The following ITFG1 variants were observed in gnomAD, a reference collection of about 807,000 sequenced individuals.
ITFG1 encodes the protein integrin alpha FG-GAP repeat containing 1, also known as T-cell immunomodulatory protein.
Under a neutral mutation model 81.8 loss-of-function variants are expected in ITFG1, and 34 were observed. That is an observed-to-expected ratio of 0.42 (90% confidence interval 0.32 to 0.55). The LOEUF (loss-of-function observed/expected upper bound fraction) is 0.55. Among genes scored for constraint, ITFG1 ranks in the 20% least tolerant of loss-of-function variants. The pLI, the probability that ITFG1 is intolerant of heterozygous loss-of-function variation, is 0.17. For synonymous variants in ITFG1, 285 were observed against 270.6 expected (o/e 1.05, Z -0.52); for missense variants, 672 against 755.4 (o/e 0.89, Z 1.29).
intron 6 of ITFG1, among the ~76,000 whole-genome samples, chr16:47,392,959 C>T (rs1968551195): frequency 6.6e-6 from 1 of 152,176 alleles, no homozygotes. Context: ...TCCAAGGCCA[C>T]CCCTCCACAA....
Position 47,409,249 on chromosome 16 carries a change from A to C in ITFG1, c.655+19555T>G, listed in dbSNP as rs369632898. 2.3e-4 allele frequency among the ~76,000 whole-genome samples: 34 copies of C among 149,912 alleles called. No homozygotes were observed. The East Asian group carries it at 2.4e-3, about 10-fold the overall frequency. The stretch of plus-strand genomic sequence containing the variant: ...AAAATTAGATCTGTGCTGCTAAATA[A>C]GGAATCCTCAGGGTCATCAAAACAG... On this transcript the variant is annotated intron_variant, in intron 6 of 17. Coordinates refer to ENST00000320640, the MANE Select transcript of ITFG1 (RefSeq NM_030790.5).
At chr16:47,184,146 G>A (rs879727018) in intron 14 of ITFG1, among the ~76,000 whole-genome samples, 1 of 152,202 alleles carries the variant, frequency 6.6e-6, no homozygotes, top group Non-Finnish European at 1.5e-5. Flanking sequence ...CCAAATCTAC[G>A]TGTGACTGGT....
In ITFG1 at chr16:47,421,301, CACACAT is replaced by C. The variant is rs1202937196; in HGVS notation, c.655+7497_655+7502del. On this transcript the variant is annotated intron_variant, in intron 6 of 17. Coordinates refer to ENST00000320640, the MANE Select transcript of ITFG1 (RefSeq NM_030790.5). ...ACACACACACACACACACACACACA[CACACAT>C]ACATATTTTTTTTTTCTGAGATGGA... is the stretch of plus-strand genomic sequence containing the variant. 6.0e-3 allele frequency among the ~76,000 whole-genome samples: 888 copies of C among 147,136 alleles called. 15 individuals are homozygous for C. The highest frequency in any genetic ancestry group is 0.023 in the African/African-American group (847 of 37,112).
chr16:47,384,381 G>C lies in ITFG1; in HGVS notation c.656-8441C>G, dbSNP rs184740660. Among the ~76,000 whole-genome samples, 4 of 152,256 alleles carry C rather than the reference G, an allele frequency of 2.6e-5. No homozygotes were observed. In the East Asian group the frequency reaches 7.7e-4, roughly 29 times the overall value. On this transcript the variant is annotated intron_variant, in intron 6 of 17. Coordinates refer to ENST00000320640, the MANE Select transcript of ITFG1 (RefSeq NM_030790.5). ...CAAACCTCTAACAGTAGGCACTTAC[G>C]CTCCATCTAGTCTGGAAACCTGATT...
chr16:47,419,013 T>C (rs779219000), intron 6 of ITFG1, among the ~76,000 whole-genome samples: 1 of 152,242 alleles, frequency 6.6e-6, no homozygotes, highest in African/African-American at 2.4e-5. Context: ...ATAATTCTTA[T>C]GGTCCATGAG....
chr16:47,436,836 C>A (rs183002287), intron 5 of ITFG1, among the ~76,000 whole-genome samples: 3 of 152,242 alleles, frequency 2.0e-5, no homozygotes, highest in African/African-American at 7.2e-5. Context: ...ATAATCAATT[C>A]ATTAGACCCA....
chr16:47,326,614 A>G (rs1350821574), intron 8 of ITFG1, among the ~76,000 whole-genome samples: 1 of 152,242 alleles, frequency 6.6e-6, no homozygotes, highest in Non-Finnish European at 1.5e-5. Context: ...CTGATAAGCA[A>G]CTTCAGCAAA....
chr16:47,284,462 T>C (rs1966862755), intron 10 of ITFG1, among the ~76,000 whole-genome samples: 1 of 152,214 alleles, frequency 6.6e-6, no homozygotes, highest in South Asian at 2.1e-4. Context: ...TGTTCATAGA[T>C]GAAACTCAGT....
At chr16:47,334,379 G>C (rs1262159800) in intron 8 of ITFG1, among the ~76,000 whole-genome samples, 1 of 152,158 alleles carries the variant, frequency 6.6e-6, no homozygotes, top group Non-Finnish European at 1.5e-5. Flanking sequence ...AGTGAGCCAT[G>C]ATCTCACTAC....
chr16:47,184,155 G>A (rs1965175424), intron 14 of ITFG1, among the ~76,000 whole-genome samples: 1 of 152,338 alleles, frequency 6.6e-6, no homozygotes. Context: ...CGTGTGACTG[G>A]TGTACCTGAA....
chr16:47,221,794 C>T (rs1965695171), intron 13 of ITFG1, among the ~76,000 whole-genome samples: 1 of 152,156 alleles, frequency 6.6e-6, no homozygotes, highest in Non-Finnish European at 1.5e-5. Flanking sequence ...GATTCAAGTT[C>T]TTCCTGGTTT....
intron 12 of ITFG1, 57 bp from the exon 13 acceptor site, chr16:47,238,065 TC>T (rs1965895993): frequency 2.1e-6 from 2 of 941,208 alleles, no homozygotes; most frequent in Non-Finnish European, 1.6e-6. Context: ...TAAAGTGAGC[TC>T]TAATTTTCTC....
intron 12 of ITFG1, among the ~76,000 whole-genome samples, chr16:47,255,473 C>A (rs556071061): frequency 6.6e-6 from 1 of 152,184 alleles, no homozygotes; most frequent in East Asian, 1.9e-4. Context: ...TAGTTGTGTC[C>A]CTAATATCAG....
At position 47,461,012 on chromosome 16, in the gene ITFG1, C is replaced by G. The variant is rs769782922; in HGVS notation, c.34G>C (p.Ala12Pro). The change falls in exon 1 of 18, where the codon GCC (alanine) becomes CCC (proline). Residue 12 changes from alanine to proline, a missense_variant. By Grantham distance (27) the Ala-to-Pro change is conservative (BLOSUM62 -1). This residue lies in a region of ITFG1 where 47 missense variants were observed against 26.4 expected (regional missense o/e 1.78). Transcript: ENST00000320640. ...CCTGCGAGGAGCGGCGAGAAGAGGGCCCAGGAGCTCGGGAGCCGGCCCGCC... is the reference window on the plus strand; with the variant it reads ...CCTGCGAGGAGCGGCGAGAAGAGGGGCCAGGAGCTCGGGAGCCGGCCCGCC... Reference protein sequence around the residue: ...AAAGRLPSSWALFSPLLAGLA... With the variant: ...AAAGRLPSSWPLFSPLLAGLA... 8.5e-5 allele frequency: 132 copies of G among 1,552,776 alleles called. No individual in the cohort carries two copies. Among genetic ancestry groups the G allele is most frequent in the Middle Eastern group, 2.0e-4 (1 of 4,984 alleles).
At chr16:47,157,470 A>G (rs1964729831) in intron 17 of ITFG1, 1 of 152,230 alleles carries the variant, frequency 6.6e-6, no homozygotes. Flanking sequence ...TGGCCACTGC[A>G]TAATTATTGT....
At chr16:47,364,729 C>T (rs1434149592) in intron 8 of ITFG1, among the ~76,000 whole-genome samples, 1 of 152,158 alleles carries the variant, frequency 6.6e-6, no homozygotes, top group Non-Finnish European at 1.5e-5. Flanking sequence ...CATGATATGA[C>T]ATTATCAAAC....
intron 7 of ITFG1, among the ~76,000 whole-genome samples, chr16:47,369,829 T>G (rs955751600): frequency 2.9e-5 from 4 of 137,040 alleles, no homozygotes; most frequent in Non-Finnish European, 6.1e-5. Flanking sequence ...ATATTCAATA[T>G]CCTCTTTTTT....
rs143123083 is a variant in ITFG1 at position 47,292,481 on chromosome 16, G to C, written c.1070+18759C>G. Reference sequence around the variant, plus strand: ...GTGTGGTGATTTTGCTTATGGATGAGTGTAGTAATATAGGCTCTGTGCAGA... The same window carrying C: ...GTGTGGTGATTTTGCTTATGGATGACTGTAGTAATATAGGCTCTGTGCAGA... On this transcript the variant is annotated intron_variant, in intron 10 of 17. Coordinates refer to ENST00000320640, the MANE Select transcript of ITFG1 (RefSeq NM_030790.5). Among the ~76,000 whole-genome samples the C allele has an allele frequency of 3.5e-3, 538 of 152,280 alleles. 2 individuals are homozygous for C. Among genetic ancestry groups the C allele is most frequent in the African/African-American group, 0.012 (505 of 41,564 alleles).
rs575276240 is a variant in ITFG1, at chr16:47,298,476, A to G, written c.1070+12764T>C. 8.1e-4 allele frequency among the ~76,000 whole-genome samples: 120 copies of G among 148,052 alleles called. 1 individual carries two copies. The highest frequency in any genetic ancestry group is 2.8e-3 in the African/African-American group (114 of 40,436). On this transcript the variant is annotated intron_variant, in intron 10 of 17. Transcript: ENST00000320640. ...TTGAATTTACTTTCTTTGGGGGGAAATTTTTTTTTTTCTCTTCAGGATGTG... is the reference window on the plus strand; with the variant it reads ...TTGAATTTACTTTCTTTGGGGGGAAGTTTTTTTTTTTCTCTTCAGGATGTG...
Sources: gnomAD v4.1 joint callset for allele counts (sites outside exome capture counted in the v4.1 genomes callset) on GRCh38, gnomAD v4.1.1 for gene constraint, gnomAD v4.1.1 regional missense constraint, MANE v1.5 for transcripts, NCBI Gene and HGNC (gene_info 2026-07-23, HGNC 2026-07-21) for gene names.